ANXA1: variants seen among roughly 807,000 people sequenced by gnomAD.
The protein encoded by ANXA1 is annexin I (lipocortin I).
A neutral mutation model predicts 47.9 loss-of-function variants in ANXA1; 39 were observed. The ratio of observed to expected loss-of-function variants is 0.81; its 90% CI spans 0.63 to 1.06. The LOEUF is 1.06. ANXA1 is among the 50% of genes least tolerant of loss of function. ANXA1 has a pLI of 0.00. For missense variants in ANXA1, 446 were observed against 422.7 expected (o/e 1.06, Z -0.48); for synonymous variants, 146 against 142.5 (o/e 1.02, Z -0.17).
intron 11 of ANXA1, chr9:73,167,976 A>G (rs1824260423): frequency 6.1e-6 from 1 of 163,326 alleles, no homozygotes; most frequent in African/African-American, 2.4e-5. Context: ...AACTTTTGAA[A>G]TGTCATTCTA....
intron 3 of ANXA1, 113 bp from the exon 4 acceptor site, chr9:73,159,216 A>C: frequency 1.2e-6 from 1 of 843,562 alleles, no homozygotes; most frequent in South Asian, 1.6e-5. Context: ...TATATAATTT[A>C]TATTTCTTAA....
chr9:73,164,029 A>C (rs1824187259), intron 8 of ANXA1, among the ~76,000 whole-genome samples: 1 of 152,144 alleles, frequency 6.6e-6, no homozygotes, highest in Admixed American at 6.6e-5. Context: ...TGTTTTATTT[A>C]GTTTCAGTGA....
At chr9:73,154,446 C>A in intron 1 of ANXA1, 2 of 1,065,350 alleles carry the variant, frequency 1.9e-6, no homozygotes, top group Non-Finnish European at 2.6e-6. Flanking sequence ...CTTTTTCTTT[C>A]TTTCTTCCCG....
intron 6 of ANXA1, among the ~76,000 whole-genome samples, chr9:73,161,385 G>A (rs1044400733): frequency 2.1e-4 from 32 of 152,106 alleles, no homozygotes; most frequent in Admixed American, 6.5e-4. Flanking sequence ...TAACTTTATC[G>A]TTATGAACAT....
intron 4 of ANXA1, among the ~76,000 whole-genome samples, chr9:73,160,048 G>A: frequency 6.6e-6 from 1 of 152,134 alleles, no homozygotes; most frequent in East Asian, 1.9e-4. Context: ...AGTTATTGAT[G>A]AATTCAGTAA....
At chr9:73,157,019 C>T (rs4745218) in intron 1 of ANXA1, among the ~76,000 whole-genome samples, 11,969 of 152,160 alleles carry the variant, frequency 0.079, 468 homozygotes, top group African/African-American at 0.11. Context: ...GTCATGATAG[C>T]AATTCAAGAA....
rs1313914238 is a variant in ANXA1 at position 73,160,844 on chromosome 9, A to T, written c.426A>T (p.Ala142=). 4 of 1,613,112 alleles carry T rather than the reference A, an allele frequency of 2.5e-6. No individual in the cohort carries two copies. In the Admixed American group the frequency reaches 6.7e-5, roughly 27 times the overall value. Residue 142 remains alanine (A), a synonymous_variant, in exon 6 of 13, where the codon GCA becomes GCT. Transcript: ENST00000257497. ...TDEDTLIEIL[A]SRTNKEIRDI... ...AAGATACTCTAATTGAGATTTTGGC[A>T]TCAAGAACTAACAAAGAAATCAGAG...
chr9:73,169,362 A>G (rs1824286850), intron 12 of ANXA1, among the ~76,000 whole-genome samples: 1 of 152,176 alleles, frequency 6.6e-6, no homozygotes. Flanking sequence ...ACATTTTTCA[A>G]CTAAAGTCAT....
At chr9:73,158,881 G>A in intron 3 of ANXA1, 78 bp downstream of exon 3, 4 of 1,113,120 alleles carry the variant, frequency 3.6e-6, no homozygotes, top group Non-Finnish European at 5.3e-6. Flanking sequence ...AAACAGACAT[G>A]TGCAATGGAA....
intron 8 of ANXA1, among the ~76,000 whole-genome samples, chr9:73,163,901 T>A (rs1377533617): frequency 3.3e-5 from 5 of 152,172 alleles, no homozygotes; most frequent in African/African-American, 2.4e-5. Flanking sequence ...TTTAACGTTA[T>A]TTTTAACAGA....
intron 1 of ANXA1, among the ~76,000 whole-genome samples, chr9:73,155,864 C>T (rs1402334282): frequency 6.6e-6 from 1 of 151,578 alleles, no homozygotes; most frequent in Non-Finnish European, 1.5e-5. Context: ...ACTTAAACAA[C>T]TTATTTTTGT....
chr9:73,156,186 TAAA>T (rs1231528299), intron 1 of ANXA1, among the ~76,000 whole-genome samples: 2 of 135,058 alleles, frequency 1.5e-5, no homozygotes, highest in African/African-American at 6.2e-5. Flanking sequence ...AAATAAATAA[TAAA>T]AACATGTTTT....
At chr9:73,160,698 T>G (rs995296692) in intron 5 of ANXA1, 105 bp from the exon 6 acceptor site, 82 of 759,292 alleles carry the variant, frequency 1.1e-4, no homozygotes, top group Non-Finnish European at 1.7e-4. Flanking sequence ...GGGTGAAATT[T>G]ACTAAATGAC....
chr9:73,168,808 G>A, intron 11 of ANXA1: 1 of 352,320 alleles, frequency 2.8e-6, no homozygotes, highest in Admixed American at 4.5e-5. Context: ...GAGTTAGGAA[G>A]TTGTGACAGC....
intron 9 of ANXA1, 30 bp downstream of exon 9, chr9:73,165,239 G>A: frequency 6.4e-7 from 1 of 1,561,212 alleles, no homozygotes; most frequent in Non-Finnish European, 8.7e-7. Flanking sequence ...TCTGGAATCT[G>A]TTTATGGAAG....
chr9:73,158,868 A>C, intron 3 of ANXA1, 65 bp downstream of exon 3: 1 of 1,273,242 alleles, frequency 7.9e-7, no homozygotes, highest in Non-Finnish European at 1.1e-6. Flanking sequence ...AATGACTGTC[A>C]AAAAACAGAC....
At chr9:73,168,344 A>G (rs1824266794) in intron 11 of ANXA1, 1 of 152,194 alleles carries the variant, frequency 6.6e-6, no homozygotes. Flanking sequence ...GTAATGATGA[A>G]TACCTGGTGC....
intron 1 of ANXA1, chr9:73,154,468 T>C (rs1563960339): frequency 2.4e-6 from 2 of 849,174 alleles, no homozygotes; most frequent in Non-Finnish European, 3.4e-6. Context: ...CAGAGTCTTG[T>C]TATGTCGCCC....
chr9:73,156,089 A>G (rs1824041160), intron 1 of ANXA1, among the ~76,000 whole-genome samples: 1 of 141,226 alleles, frequency 7.1e-6, no homozygotes, highest in Non-Finnish European at 1.5e-5. Context: ...TTTATTTGCT[A>G]ATTGAAAAGA....
Sources: gnomAD v4.1 joint callset for allele counts (sites outside exome capture counted in the v4.1 genomes callset) on GRCh38, gnomAD v4.1.1 for gene constraint, MANE v1.5 for transcripts, NCBI Gene and HGNC (gene_info 2026-07-23, HGNC 2026-07-21) for gene names.